WWOX: variants seen among roughly 807,000 people sequenced by gnomAD.
WWOX encodes the protein WW domain-containing oxidoreductase.
A neutral mutation model predicts 46.2 loss-of-function variants in WWOX; 69 were observed. The ratio of observed to expected loss-of-function variants is 1.49; its 90% confidence interval spans 1.23 to 1.82. The LOEUF (loss-of-function observed/expected upper bound fraction) is 1.82. WWOX is among the 40% of genes most tolerant of loss of function. The probability of loss-of-function intolerance (pLI) is 0.00; values close to 1 mark genes in which losing one functional copy is unlikely to be tolerated. For synonymous variants in WWOX, 359 were observed against 202.6 expected, an observed-to-expected ratio of 1.77 and a Z score of -6.56; for missense variants, 919 against 542.6, an observed-to-expected ratio of 1.69 and a Z score of -6.89.
chr16:78,609,758 G>T (rs2045853967), intron 8 of WWOX, among the ~76,000 whole-genome samples: 1 of 152,124 alleles, frequency 6.6e-6, no homozygotes, highest in Non-Finnish European at 1.5e-5. Flanking sequence ...GGTGAGGTGG[G>T]TCCAAAGTAC....
intron 8 of WWOX, among the ~76,000 whole-genome samples, chr16:78,883,230 C>G (rs987919969): frequency 8.5e-5 from 13 of 152,156 alleles, no homozygotes; most frequent in Non-Finnish European, 1.8e-4. Context: ...CCCTCTTAAG[C>G]TTTGTGAACT....
intron 8 of WWOX, among the ~76,000 whole-genome samples, chr16:78,455,492 T>C (rs547266163): frequency 6.6e-6 from 1 of 151,270 alleles, no homozygotes; most frequent in South Asian, 2.1e-4. Context: ...AACACAAAAA[T>C]TAGCTGGGTG....
intron 8 of WWOX, among the ~76,000 whole-genome samples, chr16:78,693,054 C>T (rs1219979870): frequency 6.6e-6 from 1 of 152,176 alleles, no homozygotes; most frequent in Non-Finnish European, 1.5e-5. Context: ...TTTTTATTTG[C>T]CATCCAGAGC....
intron 8 of WWOX, among the ~76,000 whole-genome samples, chr16:78,460,088 T>A (rs1312540265): frequency 6.6e-6 from 1 of 151,770 alleles, no homozygotes; most frequent in Non-Finnish European, 1.5e-5. Context: ...ATTACAGGCA[T>A]GAGCCACTGT....
intron 4 of WWOX, among the ~76,000 whole-genome samples, chr16:78,156,838 C>T (rs549853398): frequency 1.3e-5 from 2 of 152,280 alleles, no homozygotes; most frequent in East Asian, 1.9e-4. Context: ...ACACGAGAAT[C>T]GCTTGAATCC....
chr16:78,695,972 C>G (rs1030972255), intron 8 of WWOX, among the ~76,000 whole-genome samples: 3 of 152,122 alleles, frequency 2.0e-5, no homozygotes, highest in African/African-American at 7.2e-5. Flanking sequence ...ATCTTGGGCC[C>G]CGCCCCAGAC....
chr16:78,710,319 G>A (rs1209784750), intron 8 of WWOX, among the ~76,000 whole-genome samples: 1 of 151,334 alleles, frequency 6.6e-6, no homozygotes, highest in African/African-American at 2.4e-5. Context: ...TAGTCTTCAA[G>A]AAATGCGGCA....
At chr16:78,740,028 G>A (rs911951836) in intron 8 of WWOX, among the ~76,000 whole-genome samples, 2 of 152,078 alleles carry the variant, frequency 1.3e-5, no homozygotes, top group South Asian at 2.1e-4. Context: ...GCCTCCTGCT[G>A]TCACCACATT....
chr16:79,126,957 G>C (rs1770116348), intron 8 of WWOX, among the ~76,000 whole-genome samples: 1 of 152,050 alleles, frequency 6.6e-6, no homozygotes, highest in Non-Finnish European at 1.5e-5. Context: ...GTTGCCTAGA[G>C]AAGACAGAAA....
At chr16:78,816,893 G>A (rs1417426093) in intron 8 of WWOX, among the ~76,000 whole-genome samples, 3 of 152,032 alleles carry the variant, frequency 2.0e-5, no homozygotes, top group Admixed American at 6.5e-5. Flanking sequence ...AACATCTGAA[G>A]GCAAGAAATA....
chr16:78,692,480 C>A (rs377052055), intron 8 of WWOX, among the ~76,000 whole-genome samples: 1 of 152,170 alleles, frequency 6.6e-6, no homozygotes, highest in Admixed American at 6.5e-5. Context: ...TGGCTCACAC[C>A]TGGCTGACAT....
At chr16:78,803,806 G>C (rs1207193388) in intron 8 of WWOX, among the ~76,000 whole-genome samples, 2 of 152,054 alleles carry the variant, frequency 1.3e-5, no homozygotes, top group East Asian at 3.9e-4. Flanking sequence ...GTTGGAAGTG[G>C]CATGATGGAG....
intron 8 of WWOX, among the ~76,000 whole-genome samples, chr16:79,209,575 C>G (rs1342280088): frequency 2.0e-5 from 3 of 152,130 alleles, no homozygotes; most frequent in Non-Finnish European, 4.4e-5. Context: ...GAGTTAATGG[C>G]AAGTCACTTG....
At chr16:78,447,249 T>G (rs2083582399) in intron 8 of WWOX, among the ~76,000 whole-genome samples, 1 of 152,220 alleles carries the variant, frequency 6.6e-6, no homozygotes, top group Non-Finnish European at 1.5e-5. Context: ...TCTGTAACTC[T>G]GTACATTTAC....
At chr16:78,627,382 C>T (rs1481437870) in intron 8 of WWOX, among the ~76,000 whole-genome samples, 2 of 152,268 alleles carry the variant, frequency 1.3e-5, no homozygotes, top group Non-Finnish European at 2.9e-5. Context: ...CAAACTTGGG[C>T]GATTCAGTTT....
intron 8 of WWOX, among the ~76,000 whole-genome samples, chr16:78,628,621 A>C (rs1022249061): frequency 6.6e-6 from 1 of 150,430 alleles, no homozygotes; most frequent in Admixed American, 6.6e-5. Context: ...TATTCCAGCA[A>C]TTTTTTTTTT....
intron 8 of WWOX, among the ~76,000 whole-genome samples, chr16:78,980,825 G>C (rs938344733): frequency 6.6e-6 from 1 of 152,168 alleles, no homozygotes; most frequent in Non-Finnish European, 1.5e-5. Context: ...GGGTTATCTT[G>C]AAAGTCCTCT....
chr16:78,989,330 A>G (rs903814244), intron 8 of WWOX, among the ~76,000 whole-genome samples: 2 of 152,158 alleles, frequency 1.3e-5, no homozygotes, highest in Non-Finnish European at 2.9e-5. Flanking sequence ...TAGCTTATAT[A>G]TATGTCTGAT....
chr16:78,584,238 C>T (rs1237840272), intron 8 of WWOX, among the ~76,000 whole-genome samples: 1 of 152,184 alleles, frequency 6.6e-6, no homozygotes, highest in African/African-American at 2.4e-5. Flanking sequence ...TTGCCATATA[C>T]AGTTATGTAA....
Sources: allele counts gnomAD v4.1 joint callset (sites outside exome capture counted in the v4.1 genomes callset), GRCh38; gene constraint gnomAD v4.1.1; transcripts MANE v1.5; gene names NCBI Gene and HGNC (gene_info 2026-07-23, HGNC 2026-07-21).